Variants in EIF1AD observed in about 807,000 individuals in gnomAD.
The protein encoded by EIF1AD is probable RNA-binding protein EIF1AD.
A neutral mutation model predicts 21.7 loss-of-function variants in EIF1AD; 9 were observed. That is an observed-to-expected ratio of 0.41 (90% CI 0.25 to 0.72). EIF1AD has a LOEUF of 0.72. EIF1AD is among the 30% of genes least tolerant of loss of function. The probability of loss-of-function intolerance (pLI) is 0.29; values close to 1 mark genes in which losing one functional copy is unlikely to be tolerated. For synonymous variants in EIF1AD, 78 were observed against 70.9 expected (o/e 1.10, Z -0.50); for missense variants, 164 against 199.7 (o/e 0.82, Z 1.08).
At chr11:66,000,713 C>G (rs1855913532) in intron 1 of EIF1AD, 1 of 245,486 alleles carries the variant, frequency 4.1e-6, no homozygotes, top group Admixed American at 4.9e-5. Flanking sequence ...CCCCTTTTCC[C>G]TAGTTTATAA....
At position 65,997,475 on chromosome 11, in the gene EIF1AD, T is replaced by A. The variant is rs1855768668; in HGVS notation, c.*1124A>T. On this transcript the variant is annotated 3_prime_UTR_variant, in exon 6 of 6. Transcript: ENST00000533544. ...CCCTCTGATGGTTGCTGTTTCTTAATGAGGCATGTGTTGTGGTAACTACCA... is the reference window on the plus strand; with the variant it reads ...CCCTCTGATGGTTGCTGTTTCTTAAAGAGGCATGTGTTGTGGTAACTACCA... The A allele has an allele frequency of 6.6e-6, 1 of 152,212 alleles. No individual in the cohort carries two copies. The highest frequency in any genetic ancestry group is 2.4e-5 in the African/African-American group (1 of 41,440). 9.4% of individuals were successfully genotyped at this position (152,212 alleles called of 1,614,324 possible).
Position 65,998,658 on chromosome 11 carries a change from T to C in EIF1AD, c.439A>G (p.Thr147Ala), listed in dbSNP as rs756301442. 6.2e-7 allele frequency: 1 copy of C among 1,614,194 alleles called. No homozygotes were observed. The highest frequency in any genetic ancestry group is 8.5e-7 in the Non-Finnish European group (1 of 1,180,036). The part of the protein sequence containing the change: ...SEDDSDLFVN[T>A]NRRQYHESEE... ...CTCTCATGATACTGTCTGCGGTTTG[T>C]GTTAACAAACAGGTCAGAATCATCT... The change falls in exon 6 of 6, where the codon ACA (threonine) becomes GCA (alanine). Residue 147 changes from threonine to alanine, a missense_variant. By Grantham distance (58) the Thr-to-Ala change is moderately conservative. Coordinates refer to ENST00000533544, the MANE Select transcript of EIF1AD (RefSeq NM_001242481.2).
At chr11:65,999,526 C>G in intron 4 of EIF1AD, 41 bp downstream of exon 4, 1 of 1,597,368 alleles carries the variant, frequency 6.3e-7, no homozygotes, top group South Asian at 1.1e-5. Context: ...AAGGCAATGC[C>G]TCCAGAAGCC....
In EIF1AD at chr11:65,999,668, A is replaced by G. The variant is rs763083958; in HGVS notation, c.204T>C (p.Phe68=). Residue 68 remains phenylalanine (F), a synonymous_variant, in exon 4 of 6, where the codon TTT becomes TTC. Coordinates refer to ENST00000533544, the MANE Select transcript of EIF1AD (RefSeq NM_001242481.2). ...CCTCTTCAATGGGGTCAACAATGAG[A>G]AAGTCCCCTGTAGATAAGAAGAGAA... ...RKNIWIKRGD[F]LIVDPIEEGE... is the part of the protein sequence containing the mutation. 4 of 1,613,302 alleles carry G rather than the reference A, an allele frequency of 2.5e-6. No homozygotes were observed. Among genetic ancestry groups the G allele is most frequent in the Non-Finnish European group, 3.4e-6 (4 of 1,179,254 alleles).
At chr11:66,001,290 G>A (rs144765366) in intron 1 of EIF1AD, among the ~76,000 whole-genome samples, 7,968 of 151,868 alleles carry the variant, frequency 0.052, 347 homozygotes, top group East Asian at 0.15. Context: ...TGGCTAATAC[G>A]GTGAAACCCT....
chr11:65,999,213 C>T, intron 5 of EIF1AD, 137 bp downstream of exon 5: 1 of 1,182,104 alleles, frequency 8.5e-7, no homozygotes, highest in Non-Finnish European at 1.2e-6. Flanking sequence ...CCATTCATAA[C>T]CATGTTATAC....
rs946707399 is a variant in EIF1AD at position 65,998,593 on chromosome 11, G to A, written c.*6C>T. 1 of 1,613,132 alleles carries A rather than the reference G, an allele frequency of 6.2e-7. No individual in the cohort carries two copies. On this transcript the variant is annotated 3_prime_UTR_variant, in exon 6 of 6. Coordinates refer to ENST00000533544, the MANE Select transcript of EIF1AD (RefSeq NM_001242481.2). The stretch of plus-strand genomic sequence containing the variant: ...CTGAGCAAGTGGAGAATTGGGTCCT[G>A]GAGTCTCAGGCTGCCTCCTCCTCTT...
At position 65,996,813 on chromosome 11, in the gene EIF1AD, C is replaced by T. The variant is rs983331670; in HGVS notation, c.*1786G>A. On this transcript the variant is annotated 3_prime_UTR_variant, in exon 6 of 6. Coordinates refer to ENST00000533544, the MANE Select transcript of EIF1AD (RefSeq NM_001242481.2). ...TATCACATCCAATAGACAGGACAGC[C>T]AAAAACACAAAACAAAAAAAGAATC... 6.6e-6 allele frequency: 1 copy of T among 151,972 alleles called. No homozygotes were observed. The highest frequency in any genetic ancestry group is 2.4e-5 in the African/African-American group (1 of 41,364). 9.4% of individuals were successfully genotyped at this position (151,972 alleles called of 1,614,324 possible).
Position 65,999,392 on chromosome 11 carries a change from T to C in EIF1AD, c.311A>G (p.Glu104Gly), listed in dbSNP as rs199855372. 14 of 1,614,248 alleles carry C rather than the reference T, an allele frequency of 8.7e-6. No individual in the cohort carries two copies. In the African/African-American group the frequency reaches 1.7e-4, roughly 20 times the overall value. ...TTTCTCAGCCACTTCAGAGAAGGCCTCAGGCCTATGCCAAGAGATGAGCCA... is the reference window on the plus strand; with the variant it reads ...TTTCTCAGCCACTTCAGAGAAGGCCCCAGGCCTATGCCAAGAGATGAGCCA... The part of the protein sequence containing the change: ...RSLQKEGFWP[E>G]AFSEVAEKHN... The change falls in exon 5 of 6, where the codon GAG becomes GGG. Residue 104 changes from glutamate (E) to glycine (G), a missense_variant. Physicochemically the swap from Glu to Gly is moderately conservative, Grantham distance 98 (BLOSUM62 -2). Transcript: ENST00000533544.
intron 1 of EIF1AD, 87 bp downstream of exon 1, chr11:66,001,823 C>T (rs1280478162): frequency 6.6e-6 from 1 of 152,244 alleles, no homozygotes; most frequent in Non-Finnish European, 1.5e-5. Context: ...CTGATGGTTT[C>T]CGAAAGAAAC....
chr11:65,999,702 G>A, intron 3 of EIF1AD, 27 bp from the exon 4 acceptor site: 3 of 1,538,744 alleles, frequency 1.9e-6, no homozygotes, highest in Non-Finnish European at 2.7e-6. Flanking sequence ...AAAAGGCAAA[G>A]TCAGGCCTGC....
intron 1 of EIF1AD, 67 bp from the exon 2 acceptor site, chr11:66,000,572 C>A: frequency 1.6e-6 from 1 of 612,574 alleles, no homozygotes; most frequent in South Asian, 1.9e-5. Context: ...GGATTCAAAT[C>A]CTACCTTGGT....
At chr11:66,000,023 G>A in intron 3 of EIF1AD, 30 bp downstream of exon 3, 11 of 1,546,476 alleles carry the variant, frequency 7.1e-6, no homozygotes, top group Non-Finnish European at 9.8e-6. Context: ...GCCTCTCAAA[G>A]TGCCAGGATT....
rs1176033441 is a variant in EIF1AD at position 65,999,651 on chromosome 11, A to G, written c.221T>C (p.Ile74Thr). Residue 74 changes from isoleucine (I) to threonine (T), a missense_variant, in exon 4 of 6, where the codon ATT becomes ACT. Ile to Thr is a moderately conservative substitution (Grantham distance 89, BLOSUM62 -1). Coordinates refer to ENST00000533544, the MANE Select transcript of EIF1AD (RefSeq NM_001242481.2). ...AGCCTTCACCTTTTCTCCCTCTTCA[A>G]TGGGGTCAACAATGAGAAAGTCCCC... Reference protein sequence around the residue: ...KRGDFLIVDPIEEGEKVKAEI... With the variant: ...KRGDFLIVDPTEEGEKVKAEI... 1 of 1,613,948 alleles carries G rather than the reference A, an allele frequency of 6.2e-7. No homozygotes were observed.
Position 65,997,207 on chromosome 11 carries a change from GT to G in EIF1AD, c.*1391del, listed in dbSNP as rs1177289111. On this transcript the variant is annotated 3_prime_UTR_variant, in exon 6 of 6. Coordinates refer to ENST00000533544, the MANE Select transcript of EIF1AD (RefSeq NM_001242481.2). ...CCAGGTGTGGTGGTGCACGCCTGTA[GT>G]CCAAGCTACTCGGGAGGCTGAGGCA... 1 of 150,834 alleles carries G rather than the reference GT, an allele frequency of 6.6e-6. No homozygotes were observed. Among genetic ancestry groups the G allele is most frequent in the Non-Finnish European group, 1.5e-5 (1 of 67,880 alleles). 9.3% of individuals were successfully genotyped at this position (150,834 alleles called of 1,614,324 possible).
rs186424290 is a variant in EIF1AD at position 65,999,907 on chromosome 11, T to C, written c.196+146A>G. 193 of 678,072 alleles carry C rather than the reference T, an allele frequency of 2.8e-4. 1 individual carries two copies. In the Middle Eastern group the frequency reaches 3.1e-3, roughly 11 times the overall value. The allele number at this position is 678,072 out of a possible 1,614,324, so 42.0% of individuals were successfully genotyped here. The stretch of plus-strand genomic sequence containing the variant: ...AAGTGATTCTCAGGCCTCAGCCTCC[T>C]GAGTAGCTGGGATCACAGGCACGTG... On this transcript the variant is annotated intron_variant, in intron 3 of 5. Transcript: ENST00000533544.
Position 65,997,983 on chromosome 11 carries a change from G to C in EIF1AD, c.*616C>G, listed in dbSNP as rs1453679375. 1 of 152,450 alleles carries C rather than the reference G, an allele frequency of 6.6e-6. No homozygotes were observed. The highest frequency in any genetic ancestry group is 2.4e-5 in the African/African-American group (1 of 41,442). The allele number at this position is 152,450 out of a possible 1,614,324, so 9.4% of individuals were successfully genotyped here. A position where few individuals can be genotyped will look rare whatever the true frequency, so the allele number is the denominator to read the frequency against. On this transcript the variant is annotated 3_prime_UTR_variant, in exon 6 of 6. Transcript: ENST00000533544. Reference sequence around the variant, plus strand: ...GAGATTTGCCAGCCACCTTCTGGAAGTGATAGATGGTGCAGAGTGGGAGAG... The same window carrying C: ...GAGATTTGCCAGCCACCTTCTGGAACTGATAGATGGTGCAGAGTGGGAGAG...
In EIF1AD at chr11:66,000,129, C is replaced by T; in HGVS notation, c.120G>A (p.Glu40=). The change falls in exon 3 of 6, where the codon GAG becomes GAA. Residue 40 remains glutamate, a synonymous_variant. Coordinates refer to ENST00000533544, the MANE Select transcript of EIF1AD (RefSeq NM_001242481.2). ...VLRTPGNNLH[E]VETAQGQRFL... ...AGCGCTGCCCTTGGGCTGTCTCCAC[C>T]TCATGCAGATTGTTCCCTGGGGTCC... 6.2e-7 allele frequency: 1 copy of T among 1,614,178 alleles called. No homozygotes were observed. Among genetic ancestry groups the T allele is most frequent in the Non-Finnish European group, 8.5e-7 (1 of 1,180,010 alleles).
Position 65,999,233 on chromosome 11 carries a change from A to C in EIF1AD, c.353+117T>G. 3.7e-6 allele frequency: 5 copies of C among 1,358,212 alleles called. No individual in the cohort carries two copies. The South Asian group carries it at 3.8e-5, about 10-fold the overall frequency. 84.1% of individuals were successfully genotyped at this position (1,358,212 alleles called of 1,614,324 possible). ...CATAACCATGTTATACCACATGCTT[A>C]GGAGCTCTCAACAGATACCCTATGT... On this transcript the variant is annotated intron_variant, in intron 5 of 5. Transcript: ENST00000533544.
Sources: allele counts gnomAD v4.1 joint callset (sites outside exome capture counted in the v4.1 genomes callset), GRCh38; gene constraint gnomAD v4.1.1; transcripts MANE v1.5; gene names NCBI Gene and HGNC (gene_info 2026-07-23, HGNC 2026-07-21).